The following PCDHA13 variants were observed in gnomAD, a reference collection of about 807,000 sequenced individuals.
The protein encoded by PCDHA13 is protocadherin alpha 13.
In PCDHA13, 54 loss-of-function variants were observed where a neutral mutation model predicts 64.8. The ratio of observed to expected loss-of-function variants is 0.83; its 90% CI spans 0.67 to 1.04. PCDHA13 has a LOEUF of 1.04. Among genes scored for constraint, PCDHA13 ranks in the 50% least tolerant of loss-of-function variants. The pLI is 0.00. For missense variants in PCDHA13, 1,248 were observed against 1,254.3 expected, an observed-to-expected ratio of 0.99 and a Z score of 0.08; for synonymous variants, 587 against 564.4, an observed-to-expected ratio of 1.04 and a Z score of -0.57.
At chr5:140,906,891 T>C (rs2073026399) in intron 1 of PCDHA13, among the ~76,000 whole-genome samples, 1 of 152,152 alleles carries the variant, frequency 6.6e-6, no homozygotes, top group South Asian at 2.1e-4. Context: ...CCTTCTTAGA[T>C]TGTTGGTTTA....
intron 1 of PCDHA13, among the ~76,000 whole-genome samples, chr5:140,905,926 A>G (rs1040903041): frequency 6.6e-6 from 1 of 152,318 alleles, no homozygotes; most frequent in East Asian, 1.9e-4. Flanking sequence ...TCTGAGTCCC[A>G]AAGCTGAAGA....
intron 1 of PCDHA13, chr5:140,969,336 GA>G: frequency 2.5e-6 from 4 of 1,613,996 alleles, no homozygotes; most frequent in Non-Finnish European, 3.4e-6. Context: ...AATGAGGTGA[GA>G]CAGTGGTCAG....
chr5:140,913,824 TC>T, intron 1 of PCDHA13, among the ~76,000 whole-genome samples: 1 of 152,216 alleles, frequency 6.6e-6, no homozygotes, highest in Middle Eastern at 3.2e-3. Context: ...CTTTTAAATT[TC>T]TTTATTGACC....
At chr5:140,952,621 T>C (rs1002649302) in intron 1 of PCDHA13, among the ~76,000 whole-genome samples, 3 of 152,168 alleles carry the variant, frequency 2.0e-5, no homozygotes, top group Admixed American at 2.0e-4. Context: ...TCATCTTCCC[T>C]CCACACTATT....
chr5:140,958,053 G>A (rs2095406506), intron 1 of PCDHA13, among the ~76,000 whole-genome samples: 1 of 152,030 alleles, frequency 6.6e-6, no homozygotes. Context: ...ATAGAAAAAA[G>A]AGAGAAAAAA....
In PCDHA13 at chr5:140,985,229, G is replaced by T. The variant is rs903728570; in HGVS notation, c.2542+2666G>T. ...TGGGATTACAGGCGTGAGCCACCGC[G>T]CCTGGCCTAATCTTCTTACTCTTTT... On this transcript the variant is annotated intron_variant, in intron 3 of 3. Transcript: ENST00000289272. 3.9e-5 allele frequency among the ~76,000 whole-genome samples: 6 copies of T among 152,216 alleles called. No homozygotes were observed. The South Asian group carries it at 6.2e-4, about 16-fold the overall frequency.
At position 140,882,264 on chromosome 5, in the gene PCDHA13, G is replaced by C; in HGVS notation, c.-5G>C. On this transcript the variant is annotated 5_prime_UTR_variant, in exon 1 of 4. Coordinates refer to ENST00000289272, the MANE Select transcript of PCDHA13 (RefSeq NM_018904.3). ...CAGATAGCTCTGAGGTTTTTGGAGT[G>C]TACCATGCTGTCTTCCTGGCAAGGA... The C allele has an allele frequency of 6.2e-7, 1 of 1,609,300 alleles. No individual in the cohort carries two copies. Among genetic ancestry groups the C allele is most frequent in the Non-Finnish European group, 8.5e-7 (1 of 1,177,180 alleles).
chr5:140,907,365 G>A (rs782137145), intron 1 of PCDHA13, among the ~76,000 whole-genome samples: 20 of 152,178 alleles, frequency 1.3e-4, no homozygotes, highest in African/African-American at 2.4e-4. Flanking sequence ...TTCTTTAGTC[G>A]TAAAGTGAGT....
intron 3 of PCDHA13, among the ~76,000 whole-genome samples, chr5:140,988,661 A>G (rs1411850477): frequency 6.6e-6 from 1 of 152,186 alleles, no homozygotes; most frequent in Non-Finnish European, 1.5e-5. Context: ...TTGTTTATGA[A>G]TAGACTCTAA....
At chr5:140,968,210 A>T (rs376166734) in intron 1 of PCDHA13, 4 of 1,613,882 alleles carry the variant, frequency 2.5e-6, no homozygotes, top group Non-Finnish European at 3.4e-6. Flanking sequence ...ACAGGAGAAC[A>T]ATTTGCCAGG....
intron 1 of PCDHA13, among the ~76,000 whole-genome samples, chr5:140,938,642 CCTT>C (rs1554212266): frequency 6.6e-6 from 1 of 151,942 alleles, no homozygotes; most frequent in East Asian, 1.9e-4. Flanking sequence ...GATGTATAAT[CCTT>C]CTTTATATCA....
Position 141,002,911 on chromosome 5 carries a change from G to C in PCDHA13, c.2543-6716G>C, listed in dbSNP as rs565172510. Among the ~76,000 whole-genome samples the C allele has an allele frequency of 3.3e-5, 5 of 152,330 alleles. No homozygotes were observed. The South Asian group carries it at 1.0e-3, about 32-fold the overall frequency. On this transcript the variant is annotated intron_variant, in intron 3 of 3. Transcript: ENST00000289272. ...ACAAAGCAAGATGAAGAGAAGATCA[G>C]AAAAGTGAACACCCTCCAACACCCT...
Position 140,978,953 on chromosome 5 carries a change from G to A in PCDHA13, c.2399G>A (p.Arg800Gln), listed in dbSNP as rs781913955. The A allele has an allele frequency of 1.4e-5, 23 of 1,613,930 alleles. No homozygotes were observed. In the South Asian group the frequency reaches 2.0e-4, roughly 14 times the overall value. Residue 800 changes from arginine to glutamine, a missense_variant, in exon 2 of 4, where the codon CGA becomes CAA. Arg to Gln is a conservative substitution (Grantham distance 43, BLOSUM62 1). Transcript: ENST00000289272. ...EEDSECLKEP[R>Q]QPNPDWRYSA... ...ACTCTCTTTGTGATTTTGCAGCCAC[G>A]ACAGCCCAACCCTGACTGGCGTTAC...
In PCDHA13 at chr5:140,884,403, T is replaced by C; in HGVS notation, c.2135T>C (p.Val712Ala). ...IAICAVSSLLVLTLLLYTALR... is the reference protein window; with the variant it reads ...IAICAVSSLLALTLLLYTALR... Reference sequence around the variant, plus strand: ...ATCTGCGCGGTGTCCAGCCTGTTGGTGCTCACGTTGCTGCTGTATACTGCG... The same window carrying C: ...ATCTGCGCGGTGTCCAGCCTGTTGGCGCTCACGTTGCTGCTGTATACTGCG... The change falls in exon 1 of 4, where the codon GTG becomes GCG. Residue 712 changes from valine to alanine, a missense_variant. Physicochemically the swap from Val to Ala is moderately conservative, Grantham distance 64 (BLOSUM62 0). Coordinates refer to ENST00000289272, the MANE Select transcript of PCDHA13 (RefSeq NM_018904.3). 6.2e-7 allele frequency: 1 copy of C among 1,613,992 alleles called. No individual in the cohort carries two copies. Among genetic ancestry groups the C allele is most frequent in the African/African-American group, 1.3e-5 (1 of 75,066 alleles).
intron 3 of PCDHA13, among the ~76,000 whole-genome samples, chr5:140,990,194 G>A (rs2097380047): frequency 6.6e-6 from 1 of 152,076 alleles, no homozygotes; most frequent in Non-Finnish European, 1.5e-5. Context: ...ACCAAATGTG[G>A]ACCCGAAAGA....
At chr5:140,929,721 ATTTACT>A (rs1474734727) in intron 1 of PCDHA13, 3 of 222,378 alleles carry the variant, frequency 1.3e-5, no homozygotes, top group African/African-American at 4.6e-5. Flanking sequence ...AAGGTGAAAC[ATTTACT>A]TAAACTATTG....
intron 3 of PCDHA13, among the ~76,000 whole-genome samples, chr5:141,000,389 CTCTCTCTATATA>C (rs1270729414): frequency 5.3e-4 from 33 of 62,572 alleles, no homozygotes; most frequent in African/African-American, 2.0e-3. Context: ...CTCTCTCTCT[CTCTCTCTATATA>C]TATATATATA....
rs1554206991 is a variant in PCDHA13, at chr5:140,929,323, A to G, written c.2394+44661A>G. 4 of 1,540,320 alleles carry G rather than the reference A, an allele frequency of 2.6e-6. No homozygotes were observed. In the Admixed American group the frequency reaches 8.1e-5, roughly 31 times the overall value. On this transcript the variant is annotated intron_variant, in intron 1 of 3. Transcript: ENST00000289272. ...AGGGGATCACGCTAATGTCAATGCC[A>G]TGGTAAGCAAATTTTATGGAATTTG...
At chr5:141,006,050 G>A (rs1554260524) in intron 3 of PCDHA13, among the ~76,000 whole-genome samples, 1 of 151,092 alleles carries the variant, frequency 6.6e-6, no homozygotes, top group African/African-American at 2.4e-5. Flanking sequence ...GTAGATGAGA[G>A]TGGAGAAGAA....
Sources: allele counts gnomAD v4.1 joint callset (sites outside exome capture counted in the v4.1 genomes callset), GRCh38; gene constraint gnomAD v4.1.1; transcripts MANE v1.5; gene names NCBI Gene and HGNC (gene_info 2026-07-23, HGNC 2026-07-21).